ATG2B: variants seen among roughly 807,000 people sequenced by gnomAD.
ATG2B encodes the protein autophagy related 2B.
Under a neutral mutation model 241.3 loss-of-function variants are expected in ATG2B, and 121 were observed. The ratio of observed to expected loss-of-function variants is 0.50; its 90% CI spans 0.43 to 0.58. The LOEUF is 0.58. Ranked by LOEUF, ATG2B falls within the 20% of genes least tolerant of loss-of-function variation. ATG2B has a pLI of 0.00. For missense variants in ATG2B, 2,306 were observed against 2,491.6 expected (o/e 0.93, Z 1.59); for synonymous variants, 858 against 876.6 (o/e 0.98, Z 0.37).
Position 96,322,231 on chromosome 14 carries a change from T to C in ATG2B, c.2760A>G (p.Val920=), listed in dbSNP as rs754281749. 1.9e-6 allele frequency: 3 copies of C among 1,596,210 alleles called. No individual in the cohort carries two copies. Among genetic ancestry groups the C allele is most frequent in the South Asian group, 1.2e-5 (1 of 86,838 alleles). The change falls in exon 18 of 42, where the codon GTA becomes GTG. Residue 920 remains valine (V), a synonymous_variant. Transcript: ENST00000359933. ...NEQMVMPGDP[V]EMTEFQDKAI... ...CTTTATCCTGAAATTCTGTCATTTC[T>C]ACAGGGTCTCCTGGCATCACCATCT...
chr14:96,339,776 G>A (rs770708425), intron 6 of ATG2B, among the ~76,000 whole-genome samples: 12 of 151,718 alleles, frequency 7.9e-5, no homozygotes, highest in South Asian at 2.1e-4. Context: ...TGAGTATACC[G>A]TACACTGCTC....
At position 96,302,087 on chromosome 14, in the gene ATG2B, C is replaced by G. The variant is rs146815375; in HGVS notation, c.5059G>C (p.Val1687Leu). 5 of 1,613,294 alleles carry G rather than the reference C, an allele frequency of 3.1e-6. No homozygotes were observed. In the African/African-American group the frequency reaches 6.7e-5, roughly 22 times the overall value. The stretch of plus-strand genomic sequence containing the variant: ...GGGGACCTGCCAGATTCTGGACACA[C>G]GTGTAAGGCTTTCACTGTCAACTAC... ...SNMLTVKALH[V>L]CPESGRSPQE... The change falls in exon 34 of 42, where the codon GTG becomes CTG. Residue 1687 changes from valine (V) to leucine (L), a missense_variant. By Grantham distance (32) the Val-to-Leu change is conservative (BLOSUM62 1). Around this residue, in one of 2 missense-constraint regions of ATG2B, gnomAD observed 1,927 missense variants for 2,011.2 expected, o/e 0.96. Transcript: ENST00000359933.
chr14:96,291,582 T>C lies in ATG2B; in HGVS notation c.5579+18A>G, dbSNP rs371350813. 6.4e-7 allele frequency: 1 copy of C among 1,569,442 alleles called. No homozygotes were observed. Among genetic ancestry groups the C allele is most frequent in the Non-Finnish European group, 8.7e-7 (1 of 1,148,272 alleles). ...TTTGATAACTTCACTTAAAGCTTCA[T>C]ATAATAAATTCACTTACCCATGTCG... On this transcript the variant is annotated intron_variant, in intron 38 of 41. Transcript: ENST00000359933.
intron 8 of ATG2B, among the ~76,000 whole-genome samples, chr14:96,333,413 T>C (rs1887790264): frequency 6.6e-6 from 1 of 152,202 alleles, no homozygotes; most frequent in African/African-American, 2.4e-5. Flanking sequence ...CACATAAATT[T>C]ACATTTTTAT....
At position 96,322,506 on chromosome 14, in the gene ATG2B, G is replaced by C. The variant is rs1219245900; in HGVS notation, c.2736+34C>G. 3 of 1,548,770 alleles carry C rather than the reference G, an allele frequency of 1.9e-6. No homozygotes were observed. In the African/African-American group the frequency reaches 4.1e-5, roughly 21 times the overall value. On this transcript the variant is annotated intron_variant, in intron 17 of 41. Coordinates refer to ENST00000359933, the MANE Select transcript of ATG2B (RefSeq NM_018036.7). The stretch of plus-strand genomic sequence containing the variant: ...CATTGCTCTATGACAGAGAATAATA[G>C]TATTATTCCTTTGTAGCTTGCTCAC...
chr14:96,315,319 C>T (rs1473362889), intron 22 of ATG2B, 65 bp downstream of exon 22: 4 of 1,582,280 alleles, frequency 2.5e-6, no homozygotes, highest in East Asian at 4.5e-5. Context: ...AAATATGTTG[C>T]CTTTTATGTA....
In ATG2B at chr14:96,305,712, G is replaced by T. The variant is rs150711833; in HGVS notation, c.4610C>A (p.Ala1537Asp). ...CACAGGAATGGGAAAGTGTAAGGGG[G>T]CTTTGCTCGTATCGGTCTTATTAAC... ...LPVNKTDTSK[A>D]PLHFPIPVIR... The change falls in exon 31 of 42, where the codon GCC becomes GAC. Residue 1537 changes from alanine to aspartate, a missense_variant. Around this residue, in one of 2 missense-constraint regions of ATG2B, gnomAD observed 1,927 missense variants for 2,011.2 expected, o/e 0.96. Transcript: ENST00000359933. 1.9e-4 allele frequency: 308 copies of T among 1,613,988 alleles called. No individual in the cohort carries two copies. Among genetic ancestry groups the T allele is most frequent in the Non-Finnish European group, 2.4e-4 (280 of 1,179,978 alleles).
At position 96,317,814 on chromosome 14, in the gene ATG2B, G is replaced by A; in HGVS notation, c.2921C>T (p.Ser974Leu). ...DLLLWEPTAP[S>L]PVETFENISY... ...AATATTCTCGAATGTCTCCACTGGT[G>A]AAGGAGCTGTTGGTTCCCACAGTAG... The change falls in exon 19 of 42, where the codon TCA becomes TTA. Residue 974 changes from serine (S) to leucine (L), a missense_variant. Around this residue, in one of 2 missense-constraint regions of ATG2B, gnomAD observed 1,927 missense variants for 2,011.2 expected, o/e 0.96. Transcript: ENST00000359933. 1.2e-6 allele frequency: 2 copies of A among 1,612,288 alleles called. No individual in the cohort carries two copies. The highest frequency in any genetic ancestry group is 1.7e-6 in the Non-Finnish European group (2 of 1,178,900).
intron 7 of ATG2B, 22 bp downstream of exon 7, chr14:96,334,383 A>G: frequency 1.3e-6 from 2 of 1,504,676 alleles, no homozygotes; most frequent in Non-Finnish European, 9.1e-7. Context: ...ACAAGTATAT[A>G]TAATAACAGA....
At chr14:96,300,738 A>C (rs982085131) in intron 34 of ATG2B, among the ~76,000 whole-genome samples, 2 of 152,158 alleles carry the variant, frequency 1.3e-5, no homozygotes, top group African/African-American at 4.8e-5. Flanking sequence ...TAAAACATAA[A>C]CTTAAAGTAC....
Position 96,303,263 on chromosome 14 carries a change from G to A in ATG2B, c.4843-8C>T. ...TTCATGCTGAAACTTCACCTTAACGGGTAAGGAGGAAGAACGCGGAACAGT... is the reference window on the plus strand; with the variant it reads ...TTCATGCTGAAACTTCACCTTAACGAGTAAGGAGGAAGAACGCGGAACAGT... On this transcript the variant is annotated splice_region_variant and splice_polypyrimidine_tract_variant and intron_variant, in intron 32 of 41. Transcript: ENST00000359933. 1 of 1,535,910 alleles carries A rather than the reference G, an allele frequency of 6.5e-7. No individual in the cohort carries two copies. Among genetic ancestry groups the A allele is most frequent in the Non-Finnish European group, 8.8e-7 (1 of 1,137,318 alleles).
At chr14:96,332,447 T>C in intron 9 of ATG2B, 37 bp from the exon 10 acceptor site, 1 of 1,611,980 alleles carries the variant, frequency 6.2e-7, no homozygotes, top group South Asian at 1.1e-5. Context: ...GAATGAAGTG[T>C]AGAATTTTAG....
At chr14:96,330,641 G>A (rs1212653736) in intron 11 of ATG2B, among the ~76,000 whole-genome samples, 3 of 152,184 alleles carry the variant, frequency 2.0e-5, no homozygotes, top group Admixed American at 1.3e-4. Context: ...GCACATGCCT[G>A]TAATCTCAGC....
chr14:96,337,145 T>G (rs1887888832), intron 6 of ATG2B, among the ~76,000 whole-genome samples: 1 of 152,202 alleles, frequency 6.6e-6, no homozygotes, highest in African/African-American at 2.4e-5. Context: ...TTGTATCTGA[T>G]TCATCTTTGC....
At position 96,331,652 on chromosome 14, in the gene ATG2B, T is replaced by A. The variant is rs761644450; in HGVS notation, c.1469-15A>T. 3.2e-6 allele frequency: 5 copies of A among 1,556,774 alleles called. No individual in the cohort carries two copies. In the African/African-American group the frequency reaches 6.9e-5, roughly 22 times the overall value. Reference sequence around the variant, plus strand: ...AGATGGGAGAGCTAAAATACAAGTATTAAAATTATATACATAAAATTTGAC... The same window carrying A: ...AGATGGGAGAGCTAAAATACAAGTAATAAAATTATATACATAAAATTTGAC... On this transcript the variant is annotated splice_polypyrimidine_tract_variant and intron_variant, in intron 10 of 41. Transcript: ENST00000359933.
intron 17 of ATG2B, 129 bp downstream of exon 17, chr14:96,322,411 T>A (rs1282561918): frequency 1.6e-6 from 2 of 1,289,486 alleles, no homozygotes; most frequent in Non-Finnish European, 2.1e-6. Flanking sequence ...TAGGTATTAT[T>A]CAATTTTGAA....
In ATG2B at chr14:96,303,190, G is replaced by T; in HGVS notation, c.4908C>A (p.His1636Gln). 3 of 1,612,388 alleles carry T rather than the reference G, an allele frequency of 1.9e-6. No homozygotes were observed. Among genetic ancestry groups the T allele is most frequent in the Non-Finnish European group, 2.5e-6 (3 of 1,179,240 alleles). Residue 1636 changes from histidine (H) to glutamine (Q), a missense_variant, in exon 33 of 42, where the codon CAC (histidine) becomes CAA (glutamine). Physicochemically the swap from His to Gln is conservative, Grantham distance 24 (BLOSUM62 0). Around this residue, in one of 2 missense-constraint regions of ATG2B, gnomAD observed 1,927 missense variants for 2,011.2 expected, o/e 0.96. Transcript: ENST00000359933. ...CAATGAACACCTGCCGGGAGACTGG[G>T]TGTTCTGAGAGGCTGGAATCACAAT... ...KPDCDSSLSE[H>Q]PVSRQVFIVQ...
In ATG2B at chr14:96,285,070, T is replaced by C. The variant is rs1886298733; in HGVS notation, c.*685A>G. The C allele has an allele frequency of 6.6e-6, 1 of 152,258 alleles. No individual in the cohort carries two copies. Among genetic ancestry groups the C allele is most frequent in the Non-Finnish European group, 1.5e-5 (1 of 68,046 alleles). The allele number at this position is 152,258 out of a possible 1,614,324, so 9.4% of individuals were successfully genotyped here. On this transcript the variant is annotated 3_prime_UTR_variant, in exon 42 of 42. Coordinates refer to ENST00000359933, the MANE Select transcript of ATG2B (RefSeq NM_018036.7). This position sits in a 1 kb window ranked among gnomAD's most constrained non-coding sequence, Gnocchi z 4.2. ...AACTTTCAGACAAGTTTACTGCTCT[T>C]TATATTTTGTGTAACTTTGTAAATT...
At chr14:96,305,500 T>C in intron 31 of ATG2B, 89 bp downstream of exon 31, 1 of 840,536 alleles carries the variant, frequency 1.2e-6, no homozygotes, top group East Asian at 2.8e-5. Context: ...TTTTTCTTTT[T>C]TCTCTCTAAA....
Sources: allele counts gnomAD v4.1 joint callset (sites outside exome capture counted in the v4.1 genomes callset), GRCh38; gene constraint gnomAD v4.1.1; regional missense constraint gnomAD v4.1.1; non-coding constraint Gnocchi (gnomAD v3.1); transcripts MANE v1.5; gene names NCBI Gene and HGNC (gene_info 2026-07-23, HGNC 2026-07-21).